Variants in IGF2BP2 observed in about 807,000 individuals in gnomAD.
IGF2BP2 encodes the protein insulin-like growth factor 2 mRNA-binding protein 2.
A neutral mutation model predicts 75.8 loss-of-function variants in IGF2BP2; 17 were observed. That is an observed-to-expected ratio of 0.22 (90% CI 0.15 to 0.34). IGF2BP2 has a LOEUF of 0.34. Ranked by LOEUF, IGF2BP2 falls within the 10% of genes least tolerant of loss-of-function variation. The probability of loss-of-function intolerance (pLI) is 1.00; values close to 1 mark genes in which losing one functional copy is unlikely to be tolerated. For missense variants in IGF2BP2, 516 were observed against 772.4 expected (o/e 0.67, Z 3.93); for synonymous variants, 288 against 295.6 (o/e 0.97, Z 0.26).
At chr3:185,817,857 G>C (rs561413547) in intron 2 of IGF2BP2, among the ~76,000 whole-genome samples, 1 of 152,224 alleles carries the variant, frequency 6.6e-6, no homozygotes, top group Non-Finnish European at 1.5e-5. Context: ...GGCATGTTTT[G>C]TTAAACAGAA....
intron 2 of IGF2BP2, among the ~76,000 whole-genome samples, chr3:185,756,725 C>T (rs1038236871): frequency 6.6e-6 from 1 of 152,144 alleles, no homozygotes; most frequent in African/African-American, 2.4e-5. Flanking sequence ...TGTAATCCGA[C>T]ACTTTAGAAG....
chr3:185,668,374 TG>T (rs1717968865), intron 10 of IGF2BP2, among the ~76,000 whole-genome samples: 1 of 151,918 alleles, frequency 6.6e-6, no homozygotes, highest in African/African-American at 2.4e-5. Flanking sequence ...TTTTTTAATG[TG>T]TAAACATAAC....
intron 2 of IGF2BP2, among the ~76,000 whole-genome samples, chr3:185,800,881 G>A (rs1317838620): frequency 6.6e-6 from 1 of 152,108 alleles, no homozygotes; most frequent in Non-Finnish European, 1.5e-5. Flanking sequence ...TAATTAAAGA[G>A]CTTCTGCACA....
At chr3:185,665,881 C>T (rs1404691995) in intron 10 of IGF2BP2, among the ~76,000 whole-genome samples, 2 of 152,100 alleles carry the variant, frequency 1.3e-5, no homozygotes, top group African/African-American at 2.4e-5. Flanking sequence ...GCATGAGAAT[C>T]GCTTGAACCT....
chr3:185,789,503 A>G (rs1736340814), intron 2 of IGF2BP2, among the ~76,000 whole-genome samples: 1 of 152,142 alleles, frequency 6.6e-6, no homozygotes, highest in African/African-American at 2.4e-5. Flanking sequence ...ATGTAGAGGA[A>G]GCCCACCAGC....
Position 185,660,951 on chromosome 3 carries a change from G to A in IGF2BP2, c.1201-2542C>T, listed in dbSNP as rs1035298291. Among the ~76,000 whole-genome samples the A allele has an allele frequency of 3.3e-5, 5 of 152,218 alleles. 1 individual carries two copies. Among genetic ancestry groups the A allele is most frequent in the African/African-American group, 1.2e-4 (5 of 41,460 alleles). On this transcript the variant is annotated intron_variant, in intron 10 of 15. Transcript: ENST00000382199. Reference sequence around the variant, plus strand: ...TGAGGCCGGGAATAGACAAGCCACAGTGTGGCTCCTATTCTGGGTTCAAAT... The same window carrying A: ...TGAGGCCGGGAATAGACAAGCCACAATGTGGCTCCTATTCTGGGTTCAAAT...
rs117183405 is a variant in IGF2BP2, at chr3:185,655,594, T to C, written c.1386+1692A>G. On this transcript the variant is annotated intron_variant, in intron 12 of 15. Coordinates refer to ENST00000382199, the MANE Select transcript of IGF2BP2 (RefSeq NM_006548.6). The stretch of plus-strand genomic sequence containing the variant: ...CCTTCCTAAGCTGTAGAGTCCATTC[T>C]GTCCTCCTGACGCAGCACTGCTGTC... Among the ~76,000 whole-genome samples, 128 of 152,370 alleles carry C rather than the reference T, an allele frequency of 8.4e-4. 2 individuals carry two copies. In the East Asian group the frequency reaches 0.012, roughly 15 times the overall value.
chr3:185,705,002 A>AG (rs1723815480), intron 2 of IGF2BP2, among the ~76,000 whole-genome samples: 1 of 152,240 alleles, frequency 6.6e-6, no homozygotes, highest in Non-Finnish European at 1.5e-5. Context: ...ATTTTTTAAG[A>AG]GAAAAAACAA....
At chr3:185,767,122 A>G (rs1286591121) in intron 2 of IGF2BP2, among the ~76,000 whole-genome samples, 1 of 152,214 alleles carries the variant, frequency 6.6e-6, no homozygotes, top group African/African-American at 2.4e-5. Flanking sequence ...TTGTGGGAGA[A>G]GCTTCTCGAT....
chr3:185,761,607 T>G (rs951372804), intron 2 of IGF2BP2, among the ~76,000 whole-genome samples: 4 of 152,136 alleles, frequency 2.6e-5, no homozygotes, highest in African/African-American at 9.7e-5. Context: ...AAACCCAAGC[T>G]TTCTCCAGGA....
chr3:185,803,715 T>C (rs777950796), intron 2 of IGF2BP2, among the ~76,000 whole-genome samples: 3 of 152,224 alleles, frequency 2.0e-5, no homozygotes, highest in Non-Finnish European at 4.4e-5. Context: ...ATATTATTAA[T>C]TCTAATTGTA....
intron 7 of IGF2BP2, among the ~76,000 whole-genome samples, chr3:185,676,276 T>C (rs1009600959): frequency 3.9e-5 from 6 of 152,112 alleles, no homozygotes; most frequent in African/African-American, 2.4e-5. Context: ...CACAGGTCTC[T>C]TTCCCCCTCA....
chr3:185,751,045 C>T (rs932619342), intron 2 of IGF2BP2, among the ~76,000 whole-genome samples: 2 of 152,128 alleles, frequency 1.3e-5, no homozygotes, highest in African/African-American at 4.8e-5. Context: ...AGTGAAACCT[C>T]GTCTCTATTA....
At chr3:185,704,346 G>T (rs768621357) in intron 2 of IGF2BP2, among the ~76,000 whole-genome samples, 1 of 152,120 alleles carries the variant, frequency 6.6e-6, no homozygotes, top group Non-Finnish European at 1.5e-5. Flanking sequence ...AAAAACTTCT[G>T]GTCACTCTGT....
At chr3:185,709,483 C>T (rs1027840793) in intron 2 of IGF2BP2, among the ~76,000 whole-genome samples, 9 of 152,192 alleles carry the variant, frequency 5.9e-5, no homozygotes, top group African/African-American at 1.7e-4. Context: ...TTCTGTCTTT[C>T]GACTGTAAGA....
intron 2 of IGF2BP2, among the ~76,000 whole-genome samples, chr3:185,715,345 A>G (rs1578072844): frequency 6.6e-6 from 1 of 152,136 alleles, no homozygotes; most frequent in African/African-American, 2.4e-5. Context: ...AAGACTTCCT[A>G]TTTCCTGAGT....
In IGF2BP2 at chr3:185,665,004, C is replaced by CG. The variant is rs201711524; in HGVS notation, c.1201-6596dup. On this transcript the variant is annotated intron_variant, in intron 10 of 15. Coordinates refer to ENST00000382199, the MANE Select transcript of IGF2BP2 (RefSeq NM_006548.6). ...AAAAGGCAAAAAAACTTATAGATAC[C>CG]GGGGGGGAAAAACAGACAGGCGTGT... Among the ~76,000 whole-genome samples the CG allele has an allele frequency of 3.0e-4, 46 of 151,150 alleles. No homozygotes were observed. In the South Asian group the frequency reaches 3.8e-3, roughly 12 times the overall value.
intron 2 of IGF2BP2, among the ~76,000 whole-genome samples, chr3:185,703,638 A>G (rs1048432928): frequency 6.6e-6 from 1 of 152,036 alleles, no homozygotes; most frequent in African/African-American, 2.4e-5. Flanking sequence ...GGCATGGTGG[A>G]TGGTGTGCAC....
At position 185,645,359 on chromosome 3, in the gene IGF2BP2, G is replaced by A. The variant is rs1236438641; in HGVS notation, c.*172C>T. ...TGGCTGACCTTCCCCGCCCCTCCTC[G>A]GCCCCTGGGGTTCTCAGGGCCTCGG... On this transcript the variant is annotated 3_prime_UTR_variant, in exon 16 of 16. Transcript: ENST00000382199. The surrounding 1 kb of genome is among the most constrained non-coding windows in gnomAD (Gnocchi z 4.9). 4 of 583,986 alleles carry A rather than the reference G, an allele frequency of 6.8e-6. No individual in the cohort carries two copies. Among genetic ancestry groups the A allele is most frequent in the South Asian group, 2.3e-5 (1 of 43,132 alleles). The allele number at this position is 583,986 out of a possible 1,614,324, so 36.2% of individuals were successfully genotyped here. A position where few individuals can be genotyped will look rare whatever the true frequency, so the allele number is the denominator to read the frequency against.
Sources: gnomAD v4.1 joint callset for allele counts (sites outside exome capture counted in the v4.1 genomes callset) on GRCh38, gnomAD v4.1.1 for gene constraint, Gnocchi (gnomAD v3.1) non-coding constraint, MANE v1.5 for transcripts, NCBI Gene and HGNC (gene_info 2026-07-23, HGNC 2026-07-21) for gene names.